NBEA: variants seen among roughly 807,000 people sequenced by gnomAD.
NBEA encodes neurobeachin.
In NBEA, 44 loss-of-function variants were observed where a neutral mutation model predicts 343.4. The ratio of observed to expected loss-of-function variants is 0.13; its 90% CI spans 0.10 to 0.16. NBEA has a LOEUF of 0.16. Ranked by LOEUF, NBEA falls within the 10% of genes least tolerant of loss-of-function variation. The probability of loss-of-function intolerance (pLI) is 1.00; values close to 1 mark genes in which losing one functional copy is unlikely to be tolerated. For missense variants in NBEA, 2,555 were observed against 3,631.3 expected, an observed-to-expected ratio of 0.70 and a Z score of 7.62; for synonymous variants, 1,175 against 1,238.7, an observed-to-expected ratio of 0.95 and a Z score of 1.08.
At chr13:35,661,224 G>C (rs1055515350) in intron 55 of NBEA, among the ~76,000 whole-genome samples, 2 of 152,158 alleles carry the variant, frequency 1.3e-5, no homozygotes, top group Admixed American at 6.5e-5. Context: ...TGGGCTTTAC[G>C]CAGAGCCCAG....
intron 41 of NBEA, among the ~76,000 whole-genome samples, chr13:35,481,397 C>T (rs1044617151): frequency 1.1e-4 from 17 of 151,532 alleles, no homozygotes; most frequent in Non-Finnish European, 2.4e-4. Context: ...TCTCTGTTTC[C>T]TCACTTCATT....
intron 1 of NBEA, among the ~76,000 whole-genome samples, chr13:35,032,761 G>A (rs1021859978): frequency 6.6e-6 from 1 of 151,716 alleles, no homozygotes; most frequent in African/African-American, 2.4e-5. Flanking sequence ...GATCAGTGAT[G>A]TTGAGTATCT....
Position 35,056,099 on chromosome 13 carries a change from T to C in NBEA, c.1062T>C (p.Gly354=), listed in dbSNP as rs1468123668. The C allele has an allele frequency of 5.6e-6, 9 of 1,603,562 alleles. No homozygotes were observed. The highest frequency in any genetic ancestry group is 7.7e-6 in the Non-Finnish European group (9 of 1,174,524). ...TTAATGGACAACTGGTATCTTATGG[T>C]GATATGGCTTGGCATGTTAACACAA... ...CYVNGQLVSY[G]DMAWHVNTND... Residue 354 remains glycine, a synonymous_variant, in exon 7 of 59, where the codon GGT becomes GGC. Transcript: ENST00000379939.
chr13:35,509,739 T>C (rs1295648128), intron 41 of NBEA, among the ~76,000 whole-genome samples: 4 of 151,940 alleles, frequency 2.6e-5, no homozygotes, highest in Admixed American at 1.3e-4. Flanking sequence ...AGAGTGGTAG[T>C]GGAAGTCAAG....
At chr13:35,389,017 CT>C (rs796374405) in intron 38 of NBEA, among the ~76,000 whole-genome samples, 448 of 137,310 alleles carry the variant, frequency 3.3e-3, no homozygotes, top group African/African-American at 8.3e-3. Context: ...TGGCGGGTTT[CT>C]TTTTTTTTTT....
intron 1 of NBEA, 56 bp from the exon 2 acceptor site, chr13:35,040,877 A>G (rs1317258518): frequency 4.3e-6 from 6 of 1,390,788 alleles, no homozygotes; most frequent in East Asian, 2.3e-5. Context: ...ATTTCATTCT[A>G]CTGTCATCGA....
At chr13:35,631,386 T>A (rs999304105) in intron 49 of NBEA, among the ~76,000 whole-genome samples, 1 of 152,096 alleles carries the variant, frequency 6.6e-6, no homozygotes, top group African/African-American at 2.4e-5. Flanking sequence ...GGACACAGAC[T>A]CTTGGAAAAA....
intron 36 of NBEA, among the ~76,000 whole-genome samples, chr13:35,326,414 C>T (rs1232776924): frequency 6.6e-6 from 1 of 151,946 alleles, no homozygotes; most frequent in African/African-American, 2.4e-5. Context: ...AATGGGATTG[C>T]ATTTTTTATT....
chr13:35,569,378 G>A lies in NBEA; in HGVS notation c.7035+2361G>A, dbSNP rs138430673. The stretch of plus-strand genomic sequence containing the variant: ...CTTAGACATTATAAAATATATATAC[G>A]ATAAAAATTCAGAGTATAGATTCTC... On this transcript the variant is annotated intron_variant, in intron 45 of 58. Transcript: ENST00000379939. 3.5e-3 allele frequency among the ~76,000 whole-genome samples: 534 copies of A among 152,122 alleles called. 1 individual carries two copies. Among genetic ancestry groups the A allele is most frequent in the Non-Finnish European group, 5.3e-3 (363 of 67,992 alleles).
chr13:35,605,242 T>C (rs1415269306), intron 47 of NBEA, among the ~76,000 whole-genome samples: 2 of 152,236 alleles, frequency 1.3e-5, no homozygotes. Context: ...ATTTATATTT[T>C]TCTTATGGCT....
At chr13:35,314,062 A>T (rs1376870823) in intron 36 of NBEA, among the ~76,000 whole-genome samples, 1 of 152,094 alleles carries the variant, frequency 6.6e-6, no homozygotes, top group Admixed American at 6.6e-5. Context: ...AGATAGAAGG[A>T]TTGGCCTTTA....
chr13:35,350,606 A>G (rs2040138528), intron 37 of NBEA, among the ~76,000 whole-genome samples: 1 of 152,008 alleles, frequency 6.6e-6, no homozygotes, highest in South Asian at 2.1e-4. Flanking sequence ...GATTTTATAA[A>G]CATAAAATAT....
chr13:35,168,887 A>AT (rs1287583730), intron 24 of NBEA, 100 bp from the exon 25 acceptor site: 1 of 785,842 alleles, frequency 1.3e-6, no homozygotes, highest in Admixed American at 3.2e-5. Flanking sequence ...TAAATATATT[A>AT]TTTTGTGTTT....
intron 13 of NBEA, among the ~76,000 whole-genome samples, chr13:35,112,500 C>T (rs766514332): frequency 3.3e-5 from 5 of 152,090 alleles, no homozygotes; most frequent in Non-Finnish European, 7.4e-5. Context: ...CCGAACAGCA[C>T]CAAAATTTGA....
intron 34 of NBEA, among the ~76,000 whole-genome samples, chr13:35,277,903 A>G (rs945130875): frequency 6.6e-6 from 1 of 151,296 alleles, no homozygotes; most frequent in Non-Finnish European, 1.5e-5. Flanking sequence ...CCTGGCCAAC[A>G]TGGCAAAACC....
intron 1 of NBEA, among the ~76,000 whole-genome samples, chr13:34,960,134 G>C (rs1420933354): frequency 6.6e-6 from 1 of 151,966 alleles, no homozygotes; most frequent in Admixed American, 6.6e-5. Flanking sequence ...ATGATGTGGC[G>C]GTGGAAGACA....
At chr13:35,039,171 A>G (rs1406153181) in intron 1 of NBEA, among the ~76,000 whole-genome samples, 2 of 151,986 alleles carry the variant, frequency 1.3e-5, no homozygotes, top group Admixed American at 1.3e-4. Flanking sequence ...GTGCCTCACA[A>G]TTGCTCTGTT....
At chr13:35,391,617 T>G (rs1018311320) in intron 38 of NBEA, among the ~76,000 whole-genome samples, 4 of 152,170 alleles carry the variant, frequency 2.6e-5, no homozygotes, top group African/African-American at 7.2e-5. Flanking sequence ...TTTACATGGA[T>G]GTTTTTAGGT....
intron 36 of NBEA, among the ~76,000 whole-genome samples, chr13:35,321,475 C>T (rs1386354441): frequency 6.6e-6 from 1 of 152,128 alleles, no homozygotes; most frequent in Non-Finnish European, 1.5e-5. Flanking sequence ...AGCTTTTTCC[C>T]AGAGTGGCAC....
Sources: allele counts gnomAD v4.1 joint callset (sites outside exome capture counted in the v4.1 genomes callset), GRCh38; gene constraint gnomAD v4.1.1; transcripts MANE v1.5; gene names NCBI Gene and HGNC (gene_info 2026-07-23, HGNC 2026-07-21).